The following NDUFS4 variants were observed in gnomAD, a reference collection of about 807,000 sequenced individuals.
NDUFS4 encodes the protein NADH dehydrogenase [ubiquinone] iron-sulfur protein 4, mitochondrial.
A neutral mutation model predicts 24.3 loss-of-function variants in NDUFS4; 28 were observed. That is an observed-to-expected ratio of 1.15 (90% CI 0.85 to 1.58). NDUFS4 has a LOEUF of 1.58. Ranked by LOEUF, NDUFS4 falls within the 40% of genes most tolerant of loss-of-function variation. The pLI is 0.00. For synonymous variants in NDUFS4, 93 were observed against 69.7 expected, an observed-to-expected ratio of 1.34 and a Z score of -1.67; for missense variants, 223 against 207.9, an observed-to-expected ratio of 1.07 and a Z score of -0.45.
intron 4 of NDUFS4, among the ~76,000 whole-genome samples, chr5:53,676,140 A>G (rs914150189): frequency 1.3e-5 from 2 of 152,230 alleles, no homozygotes; most frequent in African/African-American, 2.4e-5. Flanking sequence ...AACAGCACAG[A>G]TTTATGTAGG....
At chr5:53,650,561 T>C (rs760064506) in intron 3 of NDUFS4, among the ~76,000 whole-genome samples, 10 of 152,232 alleles carry the variant, frequency 6.6e-5, no homozygotes, top group Non-Finnish European at 1.3e-4. Flanking sequence ...TTGTTCAGAT[T>C]CTTGTCTGTG....
chr5:53,657,220 TTAAC>T, intron 3 of NDUFS4, among the ~76,000 whole-genome samples: 1 of 152,280 alleles, frequency 6.6e-6, no homozygotes, highest in South Asian at 2.1e-4. Flanking sequence ...TATATATACT[TTAAC>T]TATCAACTGG....
chr5:53,640,532 G>A (rs989074747), intron 2 of NDUFS4, among the ~76,000 whole-genome samples: 2 of 152,086 alleles, frequency 1.3e-5, no homozygotes, highest in Non-Finnish European at 2.9e-5. Flanking sequence ...AAGGTGAACC[G>A]ACTTGTGCAG....
chr5:53,620,619 A>G (rs1158737638), intron 2 of NDUFS4, among the ~76,000 whole-genome samples: 1 of 152,186 alleles, frequency 6.6e-6, no homozygotes, highest in East Asian at 1.9e-4. Flanking sequence ...AGTTTGTGGC[A>G]TAATGTATCT....
chr5:53,675,263 T>C (rs1438891494), intron 4 of NDUFS4, among the ~76,000 whole-genome samples: 6 of 146,120 alleles, frequency 4.1e-5, no homozygotes, highest in Non-Finnish European at 7.5e-5. Context: ...CCCGGGTTCA[T>C]GCCATTCTCC....
At position 53,579,008 on chromosome 5, in the gene NDUFS4, C is replaced by T. The variant is rs147939729; in HGVS notation, c.98+18248C>T. Among the ~76,000 whole-genome samples the T allele has an allele frequency of 4.9e-3, 749 of 152,292 alleles. 8 individuals are homozygous for T. The highest frequency in any genetic ancestry group is 0.017 in the African/African-American group (717 of 41,566). ...ACAACAATCTATCTTTAGCATCTAC[C>T]ATTCCACTGAAATAGCTTTGATCAA... On this transcript the variant is annotated intron_variant, in intron 1 of 4. Coordinates refer to ENST00000296684, the MANE Select transcript of NDUFS4 (RefSeq NM_002495.4).
At chr5:53,606,454 G>A (rs577938172) in intron 2 of NDUFS4, among the ~76,000 whole-genome samples, 3 of 151,832 alleles carry the variant, frequency 2.0e-5, no homozygotes, top group Non-Finnish European at 4.4e-5. Flanking sequence ...TGCTACCTCC[G>A]CCTCCCAGTT....
intron 1 of NDUFS4, among the ~76,000 whole-genome samples, chr5:53,577,704 T>C (rs1211800664): frequency 1.3e-5 from 2 of 152,188 alleles, no homozygotes; most frequent in African/African-American, 4.8e-5. Context: ...CTGAAGGGTA[T>C]GCCAAAGGAT....
In NDUFS4 at chr5:53,683,122, G is replaced by A; in HGVS notation, c.429G>A (p.Trp143Ter). ...DAVSFAEKNG[W>*]SYDIEERKVP... Reference sequence around the variant, plus strand: ...GTCTTTGTTTTTTCCTCCTAGGATGGAGCTATGACATTGAAGAGAGGAAGG... The same window carrying A: ...GTCTTTGTTTTTTCCTCCTAGGATGAAGCTATGACATTGAAGAGAGGAAGG... Residue 143 changes from tryptophan (W) to a stop codon, truncating the protein, a stop_gained, in exon 5 of 5, where the codon TGG (tryptophan) becomes TGA (stop). Coordinates refer to ENST00000296684, the MANE Select transcript of NDUFS4 (RefSeq NM_002495.4). LOFTEE classifies it high-confidence loss of function. 1 of 1,592,862 alleles carries A rather than the reference G, an allele frequency of 6.3e-7. No individual in the cohort carries two copies. The highest frequency in any genetic ancestry group is 8.6e-7 in the Non-Finnish European group (1 of 1,161,126).
At position 53,596,296 on chromosome 5, in the gene NDUFS4, G is replaced by A. The variant is rs1292687238; in HGVS notation, c.99-7156G>A. On this transcript the variant is annotated intron_variant, in intron 1 of 4. Transcript: ENST00000296684. Reference sequence around the variant, plus strand: ...AAAAAACAAAAAATTAGCCGAGTGGGATGGTGTGTGCCTCTAGTTCCAGCT... The same window carrying A: ...AAAAAACAAAAAATTAGCCGAGTGGAATGGTGTGTGCCTCTAGTTCCAGCT... Among the ~76,000 whole-genome samples the A allele has an allele frequency of 2.0e-5, 3 of 152,076 alleles. No individual in the cohort carries two copies. The East Asian group carries it at 5.8e-4, about 29-fold the overall frequency.
intron 4 of NDUFS4, among the ~76,000 whole-genome samples, chr5:53,670,331 G>GT (rs1441931146): frequency 2.6e-5 from 4 of 151,714 alleles, no homozygotes; most frequent in African/African-American, 9.7e-5. Context: ...ATCCAATATG[G>GT]TAGCCACTGG....
chr5:53,580,714 T>G (rs892797334), intron 1 of NDUFS4, among the ~76,000 whole-genome samples: 6 of 71,964 alleles, frequency 8.3e-5, no homozygotes, highest in Admixed American at 7.6e-4. Context: ...TTTCCTTTCC[T>G]TTTCCTTTTC....
chr5:53,569,792 T>G (rs1288021965), intron 1 of NDUFS4, among the ~76,000 whole-genome samples: 1 of 152,196 alleles, frequency 6.6e-6, no homozygotes, highest in African/African-American at 2.4e-5. Flanking sequence ...TGTTTACTCT[T>G]TATTAATGAT....
intron 4 of NDUFS4, 32 bp from the exon 5 acceptor site, chr5:53,683,086 T>C: frequency 1.4e-6 from 2 of 1,392,138 alleles, no homozygotes; most frequent in Non-Finnish European, 2.0e-6. Flanking sequence ...TAATTCTGTT[T>C]CTGTGGATTT....
chr5:53,627,265 G>T (rs1374437248), intron 2 of NDUFS4, among the ~76,000 whole-genome samples: 1 of 152,178 alleles, frequency 6.6e-6, no homozygotes, highest in Non-Finnish European at 1.5e-5. Context: ...CCAGTACCAT[G>T]TTGTTTTGGT....
At chr5:53,660,894 A>G (rs1284814889) in intron 4 of NDUFS4, among the ~76,000 whole-genome samples, 1 of 151,970 alleles carries the variant, frequency 6.6e-6, no homozygotes, top group Non-Finnish European at 1.5e-5. Flanking sequence ...TAGATTCTGG[A>G]TATTAGCCCT....
At chr5:53,605,912 G>A (rs939672657) in intron 2 of NDUFS4, among the ~76,000 whole-genome samples, 10 of 151,934 alleles carry the variant, frequency 6.6e-5, no homozygotes, top group Non-Finnish European at 1.3e-4. Flanking sequence ...TGCTGAGGAG[G>A]CTGAGGCAGG....
At chr5:53,605,718 T>C (rs766566942) in intron 2 of NDUFS4, among the ~76,000 whole-genome samples, 2 of 152,034 alleles carry the variant, frequency 1.3e-5, no homozygotes, top group African/African-American at 4.8e-5. Context: ...CATATTGTTA[T>C]AAAGAAATAC....
chr5:53,562,060 A>T (rs1748866297), intron 1 of NDUFS4, among the ~76,000 whole-genome samples: 1 of 151,742 alleles, frequency 6.6e-6, no homozygotes, highest in African/African-American at 2.4e-5. Context: ...CTGTAGTGCA[A>T]TGGCGTGATC....
Sources: gnomAD v4.1 joint callset for allele counts (sites outside exome capture counted in the v4.1 genomes callset) on GRCh38, gnomAD v4.1.1 for gene constraint, MANE v1.5 for transcripts, NCBI Gene and HGNC (gene_info 2026-07-23, HGNC 2026-07-21) for gene names.